FYB1: variants seen among roughly 807,000 people sequenced by gnomAD.
FYB1 encodes the protein FYN-binding protein 1.
A neutral mutation model predicts 94.1 loss-of-function variants in FYB1; 41 were observed. The observed-to-expected ratio is 0.44, with a 90% CI of 0.34 to 0.57. FYB1 has a LOEUF of 0.57. Ranked by LOEUF, FYB1 falls within the 20% of genes least tolerant of loss-of-function variation. The pLI is 0.02. For missense variants in FYB1, 1,050 were observed against 976.8 expected, an observed-to-expected ratio of 1.07 and a Z score of -1.00; for synonymous variants, 367 against 353.2, an observed-to-expected ratio of 1.04 and a Z score of -0.44.
At chr5:39,252,321 T>A (rs926799488) in intron 1 of FYB1, among the ~76,000 whole-genome samples, 1 of 152,136 alleles carries the variant, frequency 6.6e-6, no homozygotes. Flanking sequence ...TGTTTATGAA[T>A]TAAACTTAAG....
chr5:39,143,715 A>T (rs1742389635), intron 3 of FYB1, among the ~76,000 whole-genome samples: 1 of 152,146 alleles, frequency 6.6e-6, no homozygotes, highest in Non-Finnish European at 1.5e-5. Context: ...TATCACTAAA[A>T]CCATAAAATG....
At chr5:39,180,974 C>T (rs896383138) in intron 2 of FYB1, among the ~76,000 whole-genome samples, 1 of 152,172 alleles carries the variant, frequency 6.6e-6, no homozygotes, top group Non-Finnish European at 1.5e-5. Context: ...TTTGCTCACT[C>T]AGCCAGTCAC....
intron 1 of FYB1, among the ~76,000 whole-genome samples, chr5:39,224,705 C>T (rs1750399415): frequency 6.6e-6 from 1 of 152,182 alleles, no homozygotes; most frequent in Non-Finnish European, 1.5e-5. Flanking sequence ...CCTTACTCAA[C>T]TCAACACTCA....
At chr5:39,150,220 G>C (rs1743121649) in intron 3 of FYB1, among the ~76,000 whole-genome samples, 1 of 152,144 alleles carries the variant, frequency 6.6e-6, no homozygotes. Flanking sequence ...GAGAGAGAGA[G>C]AATGGCCTAG....
intron 1 of FYB1, among the ~76,000 whole-genome samples, chr5:39,243,732 A>G (rs1020616411): frequency 6.6e-6 from 1 of 152,204 alleles, no homozygotes; most frequent in Non-Finnish European, 1.5e-5. Flanking sequence ...TACCTTGGGC[A>G]GTATGGCCAT....
intron 9 of FYB1, among the ~76,000 whole-genome samples, chr5:39,133,881 T>C (rs1561153140): frequency 6.6e-6 from 1 of 152,214 alleles, no homozygotes; most frequent in Non-Finnish European, 1.5e-5. Flanking sequence ...TTATGCTTCA[T>C]ATTTTACCAA....
chr5:39,250,038 A>T (rs760949529), intron 1 of FYB1, among the ~76,000 whole-genome samples: 2 of 151,220 alleles, frequency 1.3e-5, no homozygotes, highest in Non-Finnish European at 3.0e-5. Context: ...CTCCCTTTGC[A>T]CTCTCTCTCT....
chr5:39,226,733 A>G (rs1195117455), intron 1 of FYB1, among the ~76,000 whole-genome samples: 2 of 152,190 alleles, frequency 1.3e-5, no homozygotes, highest in Non-Finnish European at 2.9e-5. Flanking sequence ...GTGTTCATAA[A>G]AATAACCAGA....
intron 1 of FYB1, among the ~76,000 whole-genome samples, chr5:39,251,639 C>A: frequency 6.6e-6 from 1 of 150,930 alleles, no homozygotes; most frequent in Non-Finnish European, 1.5e-5. Context: ...TATACTAATC[C>A]TTTTTTTTTG....
At chr5:39,142,067 A>G (rs1429896164) in intron 3 of FYB1, among the ~76,000 whole-genome samples, 1 of 152,030 alleles carries the variant, frequency 6.6e-6, no homozygotes, top group African/African-American at 2.4e-5. Context: ...GACCATTTAT[A>G]TTTTCTATTC....
At chr5:39,239,346 C>T (rs1751106032) in intron 1 of FYB1, among the ~76,000 whole-genome samples, 1 of 152,046 alleles carries the variant, frequency 6.6e-6, no homozygotes, top group South Asian at 2.1e-4. Context: ...AAAAGGCATC[C>T]AAATAGGGAG....
chr5:39,181,866 T>C lies in FYB1; in HGVS notation c.1135+19960A>G, dbSNP rs1746273948. Among the ~76,000 whole-genome samples the C allele has an allele frequency of 3.3e-5, 5 of 152,280 alleles. No homozygotes were observed. In the South Asian group the frequency reaches 1.0e-3, roughly 32 times the overall value. Reference sequence around the variant, plus strand: ...TACTACATGATCTCCTACTTCCTTTTTTAATTTTTTTTAATTGTGGTAAGA... The same window carrying C: ...TACTACATGATCTCCTACTTCCTTTCTTAATTTTTTTTAATTGTGGTAAGA... On this transcript the variant is annotated intron_variant, in intron 2 of 18. Transcript: ENST00000512982.
intron 2 of FYB1, among the ~76,000 whole-genome samples, chr5:39,164,569 T>C (rs1744553155): frequency 6.6e-6 from 1 of 152,124 alleles, no homozygotes; most frequent in East Asian, 1.9e-4. Flanking sequence ...GGATTATAGG[T>C]AACCACCACC....
intron 16 of FYB1, among the ~76,000 whole-genome samples, chr5:39,114,256 G>A (rs899715870): frequency 2.6e-5 from 4 of 152,124 alleles, no homozygotes; most frequent in Admixed American, 6.6e-5. Flanking sequence ...ACATAGAGTT[G>A]TGGAATATGT....
rs1745126791 is a variant in FYB1, at chr5:39,170,242, G to A, written c.1136-16638C>T. ...GCTATATATGATGTTGCTGGTGGTGGTGTCTTTCCTACTGAGAGCTGTTGC... is the reference window on the plus strand; with the variant it reads ...GCTATATATGATGTTGCTGGTGGTGATGTCTTTCCTACTGAGAGCTGTTGC... On this transcript the variant is annotated intron_variant, in intron 2 of 18. Coordinates refer to ENST00000512982, the MANE Select transcript of FYB1 (RefSeq NM_001465.6). The A allele has an allele frequency of 1.4e-5, 14 of 1,006,226 alleles. No homozygotes were observed. In the South Asian group the frequency reaches 1.8e-4, roughly 13 times the overall value. The allele number at this position is 1,006,226 out of a possible 1,614,324, so 62.3% of individuals were successfully genotyped here.
chr5:39,241,243 A>C (rs1020261116), intron 1 of FYB1, among the ~76,000 whole-genome samples: 2 of 152,160 alleles, frequency 1.3e-5, no homozygotes, highest in Non-Finnish European at 1.5e-5. Flanking sequence ...TGATGAAATA[A>C]TCTGTACAAA....
At chr5:39,216,608 T>G (rs775984892) in intron 1 of FYB1, among the ~76,000 whole-genome samples, 1 of 152,262 alleles carries the variant, frequency 6.6e-6, no homozygotes, top group African/African-American at 2.4e-5. Flanking sequence ...CCTCCCTGTG[T>G]TTGTGCTGGA....
intron 10 of FYB1, among the ~76,000 whole-genome samples, chr5:39,129,333 T>C (rs761912148): frequency 6.6e-6 from 1 of 151,956 alleles, no homozygotes; most frequent in Non-Finnish European, 1.5e-5. Flanking sequence ...GATTTAAACA[T>C]AAGACCTAAA....
upstream of FYB1, among the ~76,000 whole-genome samples, chr5:39,219,832 G>A (rs1750150924): frequency 6.6e-6 from 1 of 152,206 alleles, no homozygotes; most frequent in South Asian, 2.1e-4. Flanking sequence ...GGAAGAAGCT[G>A]TAAGTTCTTT....
Sources: gnomAD v4.1 joint callset for allele counts (sites outside exome capture counted in the v4.1 genomes callset) on GRCh38, gnomAD v4.1.1 for gene constraint, MANE v1.5 for transcripts, NCBI Gene and HGNC (gene_info 2026-07-23, HGNC 2026-07-21) for gene names.